The following LMF1 variants were observed in gnomAD, a reference collection of about 807,000 sequenced individuals.
The protein encoded by LMF1 is lipase maturation factor 1, also known as transmembrane protein 112.
In LMF1, 68 loss-of-function variants were observed where a neutral mutation model predicts 60.6. That is an observed-to-expected ratio of 1.12 (90% CI 0.92 to 1.37). LMF1 has a LOEUF of 1.37. Ranked by LOEUF, LMF1 falls within the 40% of genes most tolerant of loss-of-function variation. The pLI is 0.00. For missense variants in LMF1, 948 were observed against 767.2 expected (o/e 1.24, Z -2.78); for synonymous variants, 418 against 324.7 (o/e 1.29, Z -3.09).
At chr16:869,696 T>C in intron 9 of LMF1, 187 bp downstream of exon 9, 1 of 699,848 alleles carries the variant, frequency 1.4e-6, no homozygotes, top group Non-Finnish European at 2.4e-6. Flanking sequence ...GGCTCCCACA[T>C]GAGGCCCCTC....
chr16:879,823 A>C (rs2151714519), intron 5 of LMF1, 86 bp from the exon 6 acceptor site: 1 of 1,347,868 alleles, frequency 7.4e-7, no homozygotes, highest in Middle Eastern at 2.4e-4. Flanking sequence ...TGGCCCCCTG[A>C]CCCCGGCTCC....
At position 892,989 on chromosome 16, in the gene LMF1, G is replaced by A. The variant is rs11864203; in HGVS notation, c.729+18C>T. The A allele has an allele frequency of 2.0e-6, 3 of 1,537,608 alleles. No individual in the cohort carries two copies. The highest frequency in any genetic ancestry group is 2.5e-5 in the East Asian group (1 of 40,564). On this transcript the variant is annotated intron_variant, in intron 5 of 10. Transcript: ENST00000262301. ...GTGAGACCGGGTGCCCTGCCCTCAC[G>A]CTGCACGGCACGCTCACCTCATAGT...
At chr16:979,867 A>G in intron 1 of LMF1, 1 of 424,708 alleles carries the variant, frequency 2.4e-6, no homozygotes, top group South Asian at 1.6e-5. Flanking sequence ...CCCAGGCCTA[A>G]CAGATGAGTT....
At chr16:893,637 G>A (rs2070561253) in intron 4 of LMF1, among the ~76,000 whole-genome samples, 2 of 152,144 alleles carry the variant, frequency 1.3e-5, no homozygotes, top group East Asian at 3.9e-4. Context: ...GGAGCCGCCA[G>A]CACTGGGGAA....
Position 871,474 on chromosome 16 carries a change from C to T in LMF1, c.898-133G>A, listed in dbSNP as rs756509390. 6.4e-5 allele frequency: 59 copies of T among 919,750 alleles called. No homozygotes were observed. In the Middle Eastern group the frequency reaches 1.4e-3, roughly 21 times the overall value. 57.0% of individuals were successfully genotyped at this position (919,750 alleles called of 1,614,324 possible). ...CTCTGCCCTTGCTGTCCCTCGGGCC[C>T]AGCATCACAACTGAAACCCAGCTGT... On this transcript the variant is annotated intron_variant, in intron 6 of 10. Coordinates refer to ENST00000262301, the MANE Select transcript of LMF1 (RefSeq NM_022773.4).
Position 970,745 on chromosome 16 carries a change from G to A in LMF1, c.193+43C>T, listed in dbSNP as rs1006179649. 2.7e-6 allele frequency: 4 copies of A among 1,479,210 alleles called. 1 individual carries two copies. In the East Asian group the frequency reaches 8.4e-5, roughly 31 times the overall value. 91.6% of individuals were successfully genotyped at this position (1,479,210 alleles called of 1,614,324 possible). ...AGGGAGGGCGGGGGTCGTGGTGCGC[G>A]GAGGTGACACTGGCGGATGTCCCGG... is the stretch of plus-strand genomic sequence containing the variant. On this transcript the variant is annotated intron_variant, in intron 1 of 10. Coordinates refer to ENST00000262301, the MANE Select transcript of LMF1 (RefSeq NM_022773.4).
At chr16:951,734 C>T (rs1328400124) in intron 2 of LMF1, among the ~76,000 whole-genome samples, 4 of 152,186 alleles carry the variant, frequency 2.6e-5, no homozygotes, top group African/African-American at 7.2e-5. Context: ...TCCTGCAGAC[C>T]CCCAGAGGCG....
At chr16:909,931 T>C (rs775912746) in intron 4 of LMF1, among the ~76,000 whole-genome samples, 2 of 152,256 alleles carry the variant, frequency 1.3e-5, no homozygotes, top group Admixed American at 6.5e-5. Context: ...CACAAGTTCC[T>C]TGGGGCAGTG....
At chr16:859,156 TG>T (rs1305304150) in intron 10 of LMF1, among the ~76,000 whole-genome samples, 37 of 101,006 alleles carry the variant, frequency 3.7e-4, no homozygotes, top group African/African-American at 1.6e-3. Flanking sequence ...GGGTGTGCAG[TG>T]GTGTCTCGGG....
chr16:929,954 A>G (rs1253733318), intron 3 of LMF1, among the ~76,000 whole-genome samples: 37 of 141,974 alleles, frequency 2.6e-4, no homozygotes, highest in African/African-American at 9.8e-4. Context: ...GGACAGCAGC[A>G]GTCGCCTCTG....
At chr16:960,369 A>T (rs2072800699) in intron 1 of LMF1, among the ~76,000 whole-genome samples, 2 of 139,822 alleles carry the variant, frequency 1.4e-5, no homozygotes, top group Admixed American at 7.1e-5. Flanking sequence ...CCAGACACAG[A>T]CTCACGGTGA....
intron 3 of LMF1, among the ~76,000 whole-genome samples, chr16:926,144 A>T (rs1200642708): frequency 2.0e-5 from 3 of 148,080 alleles, no homozygotes; most frequent in Non-Finnish European, 3.0e-5. Context: ...GCATGCGTGC[A>T]CCTGTGTTTG....
chr16:958,689 C>A (rs1040633385), intron 1 of LMF1, among the ~76,000 whole-genome samples: 1 of 152,130 alleles, frequency 6.6e-6, no homozygotes, highest in African/African-American at 2.4e-5. Context: ...GAGTTCAAGA[C>A]CAGCCTGGCC....
At chr16:978,694 G>A (rs11248959) in intron 1 of LMF1, among the ~76,000 whole-genome samples, 35,158 of 151,998 alleles carry the variant, frequency 0.23, 4,764 homozygotes, top group African/African-American at 0.37. Flanking sequence ...GGTGGGTGGG[G>A]CCATGCAGAC....
At chr16:894,214 C>T (rs1196356170) in intron 4 of LMF1, among the ~76,000 whole-genome samples, 1 of 29,036 alleles carries the variant, frequency 3.4e-5, no homozygotes, top group Non-Finnish European at 6.4e-5. Flanking sequence ...CCCCTGTCCA[C>T]TGGACTGTCC....
intron 1 of LMF1, chr16:980,659 G>C (rs1450556970): frequency 1.3e-5 from 2 of 151,706 alleles, no homozygotes; most frequent in Non-Finnish European, 2.9e-5. Context: ...GAAAGGATCC[G>C]AGCCACCCTC....
At chr16:923,805 G>A (rs1034014588) in intron 3 of LMF1, among the ~76,000 whole-genome samples, 19 of 152,174 alleles carry the variant, frequency 1.2e-4, no homozygotes, top group Admixed American at 3.3e-4. Context: ...TCTGCTCCAA[G>A]CAGTAACAAT....
chr16:870,710 G>A lies in LMF1; in HGVS notation c.1232+19C>T, dbSNP rs201487803. ...CCCCATATACCCAGCTCCGGGGGAC[G>A]GGGACCCCAGGCTCATACCTTCCGA... On this transcript the variant is annotated intron_variant, in intron 8 of 10. Coordinates refer to ENST00000262301, the MANE Select transcript of LMF1 (RefSeq NM_022773.4). 31 of 1,612,016 alleles carry A rather than the reference G, an allele frequency of 1.9e-5. 1 individual carries two copies. The highest frequency in any genetic ancestry group is 5.0e-5 in the Admixed American group (3 of 60,014).
At chr16:860,398 GGTGT>G (rs2069425009) in intron 10 of LMF1, among the ~76,000 whole-genome samples, 1 of 151,312 alleles carries the variant, frequency 6.6e-6, no homozygotes, top group African/African-American at 2.4e-5. Context: ...GGAGTGTGGT[GGTGT>G]GATCTCGGCT....
Sources: allele counts gnomAD v4.1 joint callset (sites outside exome capture counted in the v4.1 genomes callset), GRCh38; gene constraint gnomAD v4.1.1; transcripts MANE v1.5; gene names NCBI Gene and HGNC (gene_info 2026-07-23, HGNC 2026-07-21).